Variants in PDS5B observed in about 807,000 individuals in gnomAD.
PDS5B encodes the protein sister chromatid cohesion protein PDS5 homolog B.
Under a neutral mutation model 184.1 loss-of-function variants are expected in PDS5B, and 51 were observed. The ratio of observed to expected loss-of-function variants is 0.28; its 90% confidence interval spans 0.22 to 0.35. The LOEUF is 0.35. Among genes scored for constraint, PDS5B ranks in the 10% least tolerant of loss-of-function variants. The pLI, the probability that PDS5B is intolerant of heterozygous loss-of-function variation, is 1.00. For missense variants in PDS5B, 1,180 were observed against 1,723.3 expected, an observed-to-expected ratio of 0.68 and a Z score of 5.58; for synonymous variants, 566 against 569.2, an observed-to-expected ratio of 0.99 and a Z score of 0.08.
intron 7 of PDS5B, 40 bp downstream of exon 7, chr13:32,667,884 T>C: frequency 7.9e-7 from 1 of 1,261,292 alleles, no homozygotes; most frequent in Non-Finnish European, 1.1e-6. Context: ...AGGATTAAAC[T>C]GAAAATTTAA....
chr13:32,657,566 C>CG (rs1275672259), intron 3 of PDS5B, among the ~76,000 whole-genome samples: 1 of 152,156 alleles, frequency 6.6e-6, no homozygotes, highest in Admixed American at 6.5e-5. Flanking sequence ...TTTACATTCA[C>CG]GGTTAATATT....
At chr13:32,708,399 T>A (rs931687412) in intron 18 of PDS5B, among the ~76,000 whole-genome samples, 1 of 152,206 alleles carries the variant, frequency 6.6e-6, no homozygotes, top group African/African-American at 2.4e-5. Context: ...ATTTTTCTAC[T>A]TTTATTCTTA....
chr13:32,735,471 G>C, intron 21 of PDS5B, 141 bp downstream of exon 21: 1 of 602,042 alleles, frequency 1.7e-6, no homozygotes. Context: ...AAAAAAATAA[G>C]CCTTGTCTCC....
At chr13:32,626,937 C>T (rs1305642637) in intron 1 of PDS5B, among the ~76,000 whole-genome samples, 1 of 152,198 alleles carries the variant, frequency 6.6e-6, no homozygotes, top group East Asian at 1.9e-4. Context: ...TGGGCATATG[C>T]AAAGTTCTTA....
At chr13:32,699,086 T>A (rs1278087852) in intron 15 of PDS5B, among the ~76,000 whole-genome samples, 1 of 152,204 alleles carries the variant, frequency 6.6e-6, no homozygotes, top group Non-Finnish European at 1.5e-5. Context: ...CTGCAACAGT[T>A]AAGAAGCCAG....
At chr13:32,703,119 G>A (rs549798419) in intron 17 of PDS5B, among the ~76,000 whole-genome samples, 3 of 152,182 alleles carry the variant, frequency 2.0e-5, no homozygotes, top group Admixed American at 2.0e-4. Flanking sequence ...GAGAGAGGTT[G>A]TGCTTCCTAC....
intron 1 of PDS5B, among the ~76,000 whole-genome samples, chr13:32,640,102 A>G (rs1439617149): frequency 1.3e-5 from 2 of 152,162 alleles, no homozygotes; most frequent in Admixed American, 1.3e-4. Context: ...TACATCTATG[A>G]ACATTTATTT....
chr13:32,602,493 ATCTT>A (rs2057992397), intron 1 of PDS5B, among the ~76,000 whole-genome samples: 1 of 152,134 alleles, frequency 6.6e-6, no homozygotes, highest in Admixed American at 6.5e-5. Context: ...AATCCAGTCT[ATCTT>A]TGATGGACAT....
Position 32,706,952 on chromosome 13 carries a change from G to T in PDS5B, c.1875G>T (p.Val625=). 1.2e-6 allele frequency: 2 copies of T among 1,608,470 alleles called. No individual in the cohort carries two copies. Among genetic ancestry groups the T allele is most frequent in the South Asian group, 2.2e-5 (2 of 89,710 alleles). ...TESISALIKQ[V]NKSIDGTADD... is the part of the protein sequence containing the mutation. ...ATTTTAGTGCTCTTATTAAACAAGT[G>T]AACAAATCAATAGATGGAACAGCAG... The change falls in exon 18 of 35, where the codon GTG becomes GTT. Residue 625 remains valine (V), a synonymous_variant. Transcript: ENST00000315596.
intron 31 of PDS5B, among the ~76,000 whole-genome samples, chr13:32,765,118 G>T (rs1954541869): frequency 6.6e-6 from 1 of 152,132 alleles, no homozygotes; most frequent in Middle Eastern, 3.2e-3. Context: ...GACAGTTTGT[G>T]TTGTTTTAAG....
intron 18 of PDS5B, among the ~76,000 whole-genome samples, chr13:32,707,430 A>C (rs1952062148): frequency 6.6e-6 from 1 of 151,974 alleles, no homozygotes; most frequent in Non-Finnish European, 1.5e-5. Context: ...AGAATATATA[A>C]AATTATAAAA....
intron 1 of PDS5B, among the ~76,000 whole-genome samples, chr13:32,588,251 A>G (rs937263339): frequency 6.6e-6 from 1 of 152,232 alleles, no homozygotes; most frequent in Admixed American, 6.5e-5. Flanking sequence ...CCTAATTAAA[A>G]TTTGTAGTGC....
At position 32,701,461 on chromosome 13, in the gene PDS5B, G is replaced by C. The variant is rs751981054; in HGVS notation, c.1856+23G>C. 12 of 1,376,482 alleles carry C rather than the reference G, an allele frequency of 8.7e-6. No homozygotes were observed. In the Admixed American group the frequency reaches 2.2e-4, roughly 25 times the overall value. The allele number at this position is 1,376,482 out of a possible 1,614,324, so 85.3% of individuals were successfully genotyped here. Reference sequence around the variant, plus strand: ...CAGGTATTTGTATATAAAATACTAAGTTCTCATTGCTGTTCATTAATGTGT... The same window carrying C: ...CAGGTATTTGTATATAAAATACTAACTTCTCATTGCTGTTCATTAATGTGT... On this transcript the variant is annotated intron_variant, in intron 17 of 34. Transcript: ENST00000315596.
intron 10 of PDS5B, among the ~76,000 whole-genome samples, chr13:32,679,970 C>G (rs1951192375): frequency 6.6e-6 from 1 of 151,060 alleles, no homozygotes; most frequent in African/African-American, 2.4e-5. Context: ...GTTCCTTTTT[C>G]TTTAGCATCC....
chr13:32,630,180 C>T (rs2058432885), intron 1 of PDS5B, among the ~76,000 whole-genome samples: 1 of 152,186 alleles, frequency 6.6e-6, no homozygotes. Flanking sequence ...GAAGAATGTA[C>T]ATTATCACAT....
At chr13:32,756,435 T>C (rs1171088730) in intron 26 of PDS5B, among the ~76,000 whole-genome samples, 3 of 152,220 alleles carry the variant, frequency 2.0e-5, no homozygotes, top group Non-Finnish European at 4.4e-5. Flanking sequence ...ACTTAATTGG[T>C]GATTCTCTAA....
intron 30 of PDS5B, among the ~76,000 whole-genome samples, chr13:32,762,023 G>A (rs756195706): frequency 2.3e-4 from 35 of 152,184 alleles, no homozygotes; most frequent in Non-Finnish European, 2.1e-4. Flanking sequence ...ACGGTATCTC[G>A]TTGTAGTTTT....
At chr13:32,771,334 CATTT>C (rs533300045) in intron 33 of PDS5B, among the ~76,000 whole-genome samples, 310 of 152,210 alleles carry the variant, frequency 2.0e-3, no homozygotes, top group African/African-American at 7.3e-3. Flanking sequence ...CACACAAACA[CATTT>C]ATAAGAGAGG....
intron 26 of PDS5B, among the ~76,000 whole-genome samples, chr13:32,756,851 G>A (rs1289587362): frequency 6.6e-6 from 1 of 152,104 alleles, no homozygotes; most frequent in African/African-American, 2.4e-5. Flanking sequence ...GGCCAGGCCT[G>A]GTGGCTCATG....
Sources: gnomAD v4.1 joint callset for allele counts (sites outside exome capture counted in the v4.1 genomes callset) on GRCh38, gnomAD v4.1.1 for gene constraint, MANE v1.5 for transcripts, NCBI Gene and HGNC (gene_info 2026-07-23, HGNC 2026-07-21) for gene names.